Variants in TARS3 observed in about 807,000 individuals in gnomAD.
The protein encoded by TARS3 is threonine--tRNA ligase 2, cytoplasmic.
TARS3 carries 94 observed loss-of-function variants against 103.5 expected under a neutral mutation model. The observed-to-expected ratio is 0.91, with a 90% CI of 0.77 to 1.08. TARS3 has a LOEUF of 1.08. Among genes scored for constraint, TARS3 ranks in the 50% least tolerant of loss-of-function variants. The probability of loss-of-function intolerance (pLI) is 0.00; values close to 1 mark genes in which losing one functional copy is unlikely to be tolerated. For missense variants in TARS3, 952 were observed against 995.2 expected (o/e 0.96, Z 0.58); for synonymous variants, 416 against 355.4 (o/e 1.17, Z -1.92).
At chr15:101,671,632 T>G (rs1347679203) in intron 14 of TARS3, 39 bp downstream of exon 14, 1 of 1,611,466 alleles carries the variant, frequency 6.2e-7, no homozygotes, top group Admixed American at 1.7e-5. Context: ...TTTATTTTTC[T>G]TTTACATTTT....
At position 101,701,145 on chromosome 15, in the gene TARS3, TTC is replaced by T; in HGVS notation, c.1259_1260del (p.Gly420GlufsTer13). Reference sequence around the variant, plus strand: ...GCTCCTCTGGGAAGGAAAAAACAGCTTCCAGGACTCAAATCGTGGAAAAAGAA... The same window carrying T: ...GCTCCTCTGGGAAGGAAAAAACAGCTCAGGACTCAAATCGTGGAAAAAGAA... ...ELFFFHDLSP[G>X]SCFFLPRGAF... On this transcript the variant is annotated frameshift_variant, in exon 10 of 19. Coordinates refer to ENST00000335968, the MANE Select transcript of TARS3 (RefSeq NM_152334.3). LOFTEE classifies it high-confidence loss of function. 6.3e-7 allele frequency: 1 copy of T among 1,598,654 alleles called. No individual in the cohort carries two copies. Among genetic ancestry groups the T allele is most frequent in the Non-Finnish European group, 8.5e-7 (1 of 1,175,824 alleles).
intron 3 of TARS3, among the ~76,000 whole-genome samples, chr15:101,720,848 C>T (rs184341517): frequency 6.6e-6 from 1 of 152,080 alleles, no homozygotes. Context: ...AAGGGGTTTT[C>T]CCCCCACTTT....
chr15:101,699,812 G>A (rs1203262233), intron 10 of TARS3, among the ~76,000 whole-genome samples: 1 of 152,172 alleles, frequency 6.6e-6, no homozygotes. Flanking sequence ...ACCAGTGCAG[G>A]CCACATGCCA....
chr15:101,685,967 G>C lies in TARS3; in HGVS notation c.1416C>G (p.Ser472Arg), dbSNP rs147181511. 1.2e-6 allele frequency: 2 copies of C among 1,613,876 alleles called. No individual in the cohort carries two copies. Among genetic ancestry groups the C allele is most frequent in the African/African-American group, 2.7e-5 (2 of 74,916 alleles). ...WEASGHWQHY[S>R]ENMFTFEIEK... ...CAATCTCAAAGGTAAACATGTTCTC[G>C]CTGTAATGCTGCCAGTGGCCTGAGG... Residue 472 changes from serine to arginine, a missense_variant, in exon 11 of 19, where the codon AGC becomes AGG. Physicochemically the swap from Ser to Arg is moderately radical, Grantham distance 110 (BLOSUM62 -1). Coordinates refer to ENST00000335968, the MANE Select transcript of TARS3 (RefSeq NM_152334.3).
chr15:101,699,688 T>C (rs549199231), intron 10 of TARS3, among the ~76,000 whole-genome samples: 1 of 152,234 alleles, frequency 6.6e-6, no homozygotes, highest in African/African-American at 2.4e-5. Context: ...CATTGGCCAG[T>C]CCCTACTGGA....
chr15:101,698,289 C>T (rs1284816921), intron 10 of TARS3, among the ~76,000 whole-genome samples: 2 of 151,776 alleles, frequency 1.3e-5, no homozygotes, highest in South Asian at 2.1e-4. Context: ...GCTGAGATCA[C>T]GCCACTGCAC....
At chr15:101,709,324 C>T (rs573015131) in intron 5 of TARS3, among the ~76,000 whole-genome samples, 20 of 152,332 alleles carry the variant, frequency 1.3e-4, no homozygotes, top group African/African-American at 4.3e-4. Flanking sequence ...ACTGCAGAGT[C>T]GCGGTGCTCC....
intron 12 of TARS3, among the ~76,000 whole-genome samples, chr15:101,681,620 C>T (rs1336386532): frequency 6.6e-6 from 1 of 152,186 alleles, no homozygotes; most frequent in Non-Finnish European, 1.5e-5. Context: ...ATTCAGTTCC[C>T]TGGTGAGGGC....
At chr15:101,692,589 T>C (rs1215360236) in intron 10 of TARS3, among the ~76,000 whole-genome samples, 1 of 149,962 alleles carries the variant, frequency 6.7e-6, no homozygotes, top group East Asian at 2.0e-4. Flanking sequence ...AAGCTCTCTG[T>C]GGGTTCTGGT....
At chr15:101,689,039 C>G (rs186749691) in intron 10 of TARS3, among the ~76,000 whole-genome samples, 1 of 152,250 alleles carries the variant, frequency 6.6e-6, no homozygotes, top group Admixed American at 6.5e-5. Context: ...TATGTTTTCA[C>G]CAAAAACTGA....
At chr15:101,718,220 T>C (rs2141456392) in intron 3 of TARS3, among the ~76,000 whole-genome samples, 1 of 151,792 alleles carries the variant, frequency 6.6e-6, no homozygotes, top group Non-Finnish European at 1.5e-5. Context: ...AATACAAAAT[T>C]AGCTGGGTGT....
intron 10 of TARS3, among the ~76,000 whole-genome samples, chr15:101,690,907 C>T (rs1898686810): frequency 6.6e-6 from 1 of 152,132 alleles, no homozygotes; most frequent in East Asian, 1.9e-4. Flanking sequence ...TGTTTCCTCA[C>T]ATTTCCTTCA....
At chr15:101,680,665 T>A (rs565931113) in intron 12 of TARS3, among the ~76,000 whole-genome samples, 1 of 152,238 alleles carries the variant, frequency 6.6e-6, no homozygotes, top group Non-Finnish European at 1.5e-5. Context: ...TGTTTTCTTA[T>A]TGAGGTTTGA....
chr15:101,717,827 G>C (rs141209652), intron 3 of TARS3, among the ~76,000 whole-genome samples: 53 of 152,292 alleles, frequency 3.5e-4, no homozygotes, highest in African/African-American at 9.4e-4. Flanking sequence ...CAAGCGACTT[G>C]AGTTTTTTGT....
Position 101,724,352 on chromosome 15 carries a change from CGCCACGGCCTCCGCCGCCAGG to C in TARS3, c.15_35del (p.Leu6_Ala12del). The C allele has an allele frequency of 6.5e-7, 1 of 1,547,738 alleles. No individual in the cohort carries two copies. On this transcript the variant is annotated inframe_deletion, in exon 1 of 19. Transcript: ENST00000335968. Reference sequence around the variant, plus strand: ...CCTCCTCCTGCCGCTCCAGGCGCGACGCCACGGCCTCCGCCGCCAGGGCCTCGGCCGCCATCGCGGCCTCCC... The same window carrying C: ...CCTCCTCCTGCCGCTCCAGGCGCGACGCCTCGGCCGCCATCGCGGCCTCCC...
rs548246465 is a variant in TARS3 at position 101,663,032 on chromosome 15, G to A, written c.1968-1216C>T. ...TTCTTCTCATTCCAAAGTGTGGTACGAATCTTCATTTAAATAACTCTTTTT... is the reference window on the plus strand; with the variant it reads ...TTCTTCTCATTCCAAAGTGTGGTACAAATCTTCATTTAAATAACTCTTTTT... On this transcript the variant is annotated intron_variant, in intron 15 of 18. Coordinates refer to ENST00000335968, the MANE Select transcript of TARS3 (RefSeq NM_152334.3). Among the ~76,000 whole-genome samples the A allele has an allele frequency of 9.2e-5, 14 of 152,256 alleles. No homozygotes were observed. The East Asian group carries it at 2.7e-3, about 29-fold the overall frequency.
Position 101,668,281 on chromosome 15 carries a change from T to C in TARS3, c.1967+3205A>G, listed in dbSNP as rs1351075910. Among the ~76,000 whole-genome samples the C allele has an allele frequency of 2.6e-5, 4 of 152,208 alleles. No homozygotes were observed. In the East Asian group the frequency reaches 7.7e-4, roughly 29 times the overall value. On this transcript the variant is annotated intron_variant, in intron 15 of 18. Coordinates refer to ENST00000335968, the MANE Select transcript of TARS3 (RefSeq NM_152334.3). The stretch of plus-strand genomic sequence containing the variant: ...TTTAAACATGAATATTTACAGGCTG[T>C]TGTAGGGTTATTAATTAGCCTAATT...
At chr15:101,702,476 T>C in intron 8 of TARS3, 91 bp from the exon 9 acceptor site, 1 of 1,134,084 alleles carries the variant, frequency 8.8e-7, no homozygotes, top group Non-Finnish European at 1.3e-6. Context: ...TCCACTATCA[T>C]ATCAACAAAG....
intron 10 of TARS3, among the ~76,000 whole-genome samples, chr15:101,686,620 T>G (rs1898487983): frequency 1.3e-5 from 2 of 152,162 alleles, no homozygotes; most frequent in Non-Finnish European, 2.9e-5. Context: ...CCAAGCAAAG[T>G]TTTAACTTTA....
Sources: allele counts gnomAD v4.1 joint callset (sites outside exome capture counted in the v4.1 genomes callset), GRCh38; gene constraint gnomAD v4.1.1; transcripts MANE v1.5; gene names NCBI Gene and HGNC (gene_info 2026-07-23, HGNC 2026-07-21).